Variants in DAB2IP observed in about 807,000 individuals in gnomAD.
DAB2IP encodes disabled homolog 2-interacting protein.
Under a neutral mutation model 107.2 loss-of-function variants are expected in DAB2IP, and 28 were observed. That is an observed-to-expected ratio of 0.26 (90% CI 0.19 to 0.36). DAB2IP has a LOEUF of 0.36. DAB2IP is among the 10% of genes least tolerant of loss of function. DAB2IP has a pLI of 1.00. For missense variants in DAB2IP, 1,400 were observed against 1,644.7 expected, an observed-to-expected ratio of 0.85 and a Z score of 2.57; for synonymous variants, 755 against 706.4, an observed-to-expected ratio of 1.07 and a Z score of -1.09.
rs1216890965 is a variant in DAB2IP, at chr9:121,662,706, A to G, written c.124+10807A>G. Among the ~76,000 whole-genome samples the G allele has an allele frequency of 6.6e-6, 1 of 152,152 alleles. No individual in the cohort carries two copies. The highest frequency in any genetic ancestry group is 2.4e-5 in the African/African-American group (1 of 41,456). ...TAAAGGTGGTGGGTATCCTGCCTACATGTGCTTTCTGCTTTTACATAGAAG... is the reference window on the plus strand; with the variant it reads ...TAAAGGTGGTGGGTATCCTGCCTACGTGTGCTTTCTGCTTTTACATAGAAG... On this transcript the variant is annotated intron_variant, in intron 1 of 15. Coordinates refer to ENST00000408936, the Ensembl canonical transcript of DAB2IP. This position sits in a 1 kb window ranked among gnomAD's most constrained non-coding sequence, Gnocchi z 4.6.
intron 1 of DAB2IP, among the ~76,000 whole-genome samples, chr9:121,643,616 T>C (rs940563213): frequency 1.3e-5 from 2 of 152,052 alleles, no homozygotes; most frequent in Non-Finnish European, 2.9e-5. Flanking sequence ...TCCAAGAATA[T>C]ACTTTTCTGC....
At chr9:121,676,439 T>A (rs1833907866) in intron 1 of DAB2IP, among the ~76,000 whole-genome samples, 1 of 152,064 alleles carries the variant, frequency 6.6e-6, no homozygotes, top group South Asian at 2.1e-4. Context: ...TGCACATGTG[T>A]TTGTCTGGGC....
At chr9:121,583,712 G>A (rs1407875174) in intron 1 of DAB2IP, among the ~76,000 whole-genome samples, 1 of 152,178 alleles carries the variant, frequency 6.6e-6, no homozygotes, top group Admixed American at 6.5e-5. Context: ...GGCATCACCT[G>A]CCATCCGTGG....
intron 1 of DAB2IP, among the ~76,000 whole-genome samples, chr9:121,676,226 C>T (rs141496796): frequency 2.0e-5 from 3 of 152,216 alleles, no homozygotes; most frequent in African/African-American, 7.2e-5. Context: ...CTTCTGTGGA[C>T]TCCTGTCCAT....
intron 1 of DAB2IP, among the ~76,000 whole-genome samples, chr9:121,617,480 C>T (rs1487893273): frequency 6.6e-6 from 1 of 152,196 alleles, no homozygotes; most frequent in Non-Finnish European, 1.5e-5. Flanking sequence ...TCATCTCAAG[C>T]GTTCTGTGGG....
At chr9:121,761,746 C>T in intron 6 of DAB2IP, among the ~76,000 whole-genome samples, 1 of 152,224 alleles carries the variant, frequency 6.6e-6, no homozygotes, top group East Asian at 1.9e-4. Context: ...GCACGTTGGG[C>T]CAGCTCTGGC....
intron 1 of DAB2IP, among the ~76,000 whole-genome samples, chr9:121,607,331 T>C (rs1830919025): frequency 6.6e-6 from 1 of 152,106 alleles, no homozygotes; most frequent in Non-Finnish European, 1.5e-5. Context: ...TGAGATGGTG[T>C]CTTGCTCTGT....
At chr9:121,766,876 C>T (rs1389629810) in intron 9 of DAB2IP, 146 bp downstream of exon 9, 23 of 758,554 alleles carry the variant, frequency 3.0e-5, no homozygotes, top group African/African-American at 1.4e-4. Context: ...TTCTCCTTCC[C>T]GCTTTTTAAA....
chr9:121,618,581 G>A (rs943960100), intron 1 of DAB2IP, among the ~76,000 whole-genome samples: 2 of 152,142 alleles, frequency 1.3e-5, no homozygotes, highest in African/African-American at 4.8e-5. Flanking sequence ...GGCTAGTCTC[G>A]AACTCCTGAC....
chr9:121,748,632 T>C (rs1486193248), intron 3 of DAB2IP, among the ~76,000 whole-genome samples: 1 of 152,214 alleles, frequency 6.6e-6, no homozygotes, highest in African/African-American at 2.4e-5. Context: ...GGCCATGAGA[T>C]GATGTTTGTA....
Position 121,651,807 on chromosome 9 carries a change from C to T in DAB2IP, c.32C>T (p.Thr11Ile), listed in dbSNP as rs576970717. 25,071 of 1,460,888 alleles carry T rather than the reference C, an allele frequency of 0.017. 288 individuals are homozygous for T. The highest frequency in any genetic ancestry group is 0.02 in the Non-Finnish European group (22,389 of 1,103,722). 90.5% of individuals were successfully genotyped at this position (1,460,888 alleles called of 1,614,324 possible). ...GCGGGCGGCAGCGCCAGGAAGAGCACCGGGAGGTCCTCCTACTACTACCGG... is the reference window on the plus strand; with the variant it reads ...GCGGGCGGCAGCGCCAGGAAGAGCATCGGGAGGTCCTCCTACTACTACCGG... Residue 11 changes from threonine to isoleucine, a missense_variant, in exon 1 of 16, where the codon ACC (threonine) becomes ATC (isoleucine). This residue lies in a region of DAB2IP where 283 missense variants were observed against 237.0 expected (regional missense o/e 1.19). Transcript: ENST00000408936. This position sits in a 1 kb window ranked among gnomAD's most constrained non-coding sequence, Gnocchi z 5.1.
intron 1 of DAB2IP, among the ~76,000 whole-genome samples, chr9:121,670,888 G>C (rs867794276): frequency 6.6e-6 from 1 of 151,258 alleles, no homozygotes; most frequent in Admixed American, 6.6e-5. Context: ...CGTGGTGGCT[G>C]AGGCCTGTAA....
At chr9:121,638,654 A>C (rs757080966) in intron 1 of DAB2IP, among the ~76,000 whole-genome samples, 13 of 152,056 alleles carry the variant, frequency 8.5e-5, no homozygotes, top group Non-Finnish European at 1.3e-4. Context: ...CAGGGCAGCT[A>C]GGGCAGGGGC....
chr9:121,582,878 T>A (rs1285231904), intron 1 of DAB2IP, among the ~76,000 whole-genome samples: 2 of 152,232 alleles, frequency 1.3e-5, no homozygotes, highest in East Asian at 3.9e-4. Context: ...GAATGAGTTC[T>A]TAGTGCAATG....
At chr9:121,603,343 AC>A (rs1233614837) in intron 1 of DAB2IP, among the ~76,000 whole-genome samples, 1 of 152,216 alleles carries the variant, frequency 6.6e-6, no homozygotes, top group Non-Finnish European at 1.5e-5. Flanking sequence ...CAGCTGTATC[AC>A]AATTCTGGCC....
chr9:121,651,382 G>A (rs898164866), upstream of DAB2IP, among the ~76,000 whole-genome samples: 2 of 152,224 alleles, frequency 1.3e-5, no homozygotes, highest in African/African-American at 4.8e-5. The surrounding 1 kb of genome is among the most constrained non-coding windows in gnomAD (Gnocchi z 5.1). Context: ...TGGCGGGATT[G>A]GGTGCCTGGT....
At chr9:121,764,157 G>A (rs868010887) in intron 8 of DAB2IP, among the ~76,000 whole-genome samples, 1 of 152,212 alleles carries the variant, frequency 6.6e-6, no homozygotes, top group Non-Finnish European at 1.5e-5. Flanking sequence ...GGGCTGCAGC[G>A]GGAGTGAGAC....
intron 3 of DAB2IP, among the ~76,000 whole-genome samples, chr9:121,704,582 T>C (rs1370873756): frequency 6.6e-6 from 1 of 152,168 alleles, no homozygotes; most frequent in Non-Finnish European, 1.5e-5. Context: ...AGGTGGATCC[T>C]ACACGTTAAA....
rs76191175 is a variant in DAB2IP at position 121,763,798 on chromosome 9, C to T, written c.1379C>T (p.Ser460Leu). ...TGCGAAGTGGATCCCAGCAAGTGCT[C>T]GGCCGCTGACCTCCCAGAGCACCAG... Residue 460 changes from serine to leucine, a missense_variant, in exon 8 of 16, where the codon TCG becomes TTG. Coordinates refer to ENST00000408936, the Ensembl canonical transcript of DAB2IP. The T allele has an allele frequency of 1.2e-3, 1,903 of 1,614,124 alleles. 14 individuals carry two copies. The African/African-American group carries it at 0.023, about 19-fold the overall frequency.
Sources: gnomAD v4.1 joint callset for allele counts (sites outside exome capture counted in the v4.1 genomes callset) on GRCh38, gnomAD v4.1.1 for gene constraint, gnomAD v4.1.1 regional missense constraint, Gnocchi (gnomAD v3.1) non-coding constraint, MANE v1.5 for transcripts, NCBI Gene and HGNC (gene_info 2026-07-23, HGNC 2026-07-21) for gene names.